The following SHISA6 variants were observed in gnomAD, a reference collection of about 807,000 sequenced individuals.
SHISA6 encodes shisa family member 6, also known as protein shisa-6.
A neutral mutation model predicts 47.9 loss-of-function variants in SHISA6; 22 were observed. The ratio of observed to expected loss-of-function variants is 0.46; its 90% CI spans 0.33 to 0.66. The LOEUF (loss-of-function observed/expected upper bound fraction) is 0.66. Among genes scored for constraint, SHISA6 ranks in the 30% least tolerant of loss-of-function variants. The pLI, the probability that SHISA6 is intolerant of heterozygous loss-of-function variation, is 0.02. For missense variants in SHISA6, 680 were observed against 764.6 expected (o/e 0.89, Z 1.30); for synonymous variants, 388 against 337.8 (o/e 1.15, Z -1.63).
chr17:11,507,500 T>A (rs1289330069), intron 3 of SHISA6, among the ~76,000 whole-genome samples: 1 of 152,204 alleles, frequency 6.6e-6, no homozygotes, highest in Non-Finnish European at 1.5e-5. Flanking sequence ...AAGAGATGTC[T>A]TATGTTTCCC....
chr17:11,269,740 A>G (rs886194659), intron 2 of SHISA6, among the ~76,000 whole-genome samples: 4 of 152,104 alleles, frequency 2.6e-5, no homozygotes, highest in Non-Finnish European at 5.9e-5. Context: ...TTGGAGCCCT[A>G]TGGAGATGGT....
chr17:11,278,736 C>T (rs1324610600), intron 2 of SHISA6, among the ~76,000 whole-genome samples: 3 of 152,216 alleles, frequency 2.0e-5, no homozygotes, highest in African/African-American at 7.2e-5. Context: ...TGTATTCAAG[C>T]TTCGTATTTC....
intron 2 of SHISA6, among the ~76,000 whole-genome samples, chr17:11,375,204 A>C (rs2142241080): frequency 6.6e-6 from 1 of 152,304 alleles, no homozygotes; most frequent in Non-Finnish European, 1.5e-5. Flanking sequence ...TTCAGAAAAA[A>C]AGAAAAACTA....
chr17:11,539,661 C>T (rs185403276), intron 3 of SHISA6, among the ~76,000 whole-genome samples: 6 of 152,358 alleles, frequency 3.9e-5, no homozygotes, highest in Admixed American at 2.6e-4. Context: ...TCCACATGCT[C>T]TCAGTGGGCA....
intron 1 of SHISA6, among the ~76,000 whole-genome samples, chr17:11,248,910 C>T (rs1323529468): frequency 2.6e-5 from 4 of 151,974 alleles, no homozygotes; most frequent in Admixed American, 6.6e-5. Flanking sequence ...GAGGCCGAGG[C>T]GGGCAGATCA....
At chr17:11,341,851 AG>A (rs1911542096) in intron 2 of SHISA6, among the ~76,000 whole-genome samples, 1 of 152,210 alleles carries the variant, frequency 6.6e-6, no homozygotes, top group South Asian at 2.1e-4. Flanking sequence ...ACAGATTATC[AG>A]GAGGAAGACT....
chr17:11,514,744 T>TA (rs2071568751), intron 3 of SHISA6, among the ~76,000 whole-genome samples: 1 of 152,220 alleles, frequency 6.6e-6, no homozygotes, highest in Non-Finnish European at 1.5e-5. Context: ...ACAGAGGTGC[T>TA]CTAGGCTCCC....
At chr17:11,513,520 A>G (rs576732936) in intron 3 of SHISA6, among the ~76,000 whole-genome samples, 39 of 152,326 alleles carry the variant, frequency 2.6e-4, no homozygotes, top group African/African-American at 8.4e-4. Flanking sequence ...TTTTCAACCT[A>G]TGTCACATCT....
At chr17:11,522,123 G>A (rs557611104) in intron 3 of SHISA6, among the ~76,000 whole-genome samples, 7 of 151,626 alleles carry the variant, frequency 4.6e-5, no homozygotes, top group East Asian at 3.9e-4. Context: ...CCACCACCAC[G>A]CCCGGCTAAT....
intron 2 of SHISA6, among the ~76,000 whole-genome samples, chr17:11,324,273 T>C (rs1448780664): frequency 6.6e-6 from 1 of 152,208 alleles, no homozygotes; most frequent in African/African-American, 2.4e-5. Context: ...CCTTTTCCTG[T>C]CGATGACACT....
At position 11,496,780 on chromosome 17, in the gene SHISA6, G is replaced by C. The variant is rs1016314234; in HGVS notation, c.896-55116G>C. 3.9e-5 allele frequency among the ~76,000 whole-genome samples: 6 copies of C among 152,156 alleles called. No homozygotes were observed. The East Asian group carries it at 1.2e-3, about 29-fold the overall frequency. On this transcript the variant is annotated intron_variant, in intron 3 of 5. Transcript: ENST00000441885. ...AAAAAAAAGAATGGGATAGAAGTGGGATAGGTAGGAAACAATGAGAAGTGG... is the reference window on the plus strand; with the variant it reads ...AAAAAAAAGAATGGGATAGAAGTGGCATAGGTAGGAAACAATGAGAAGTGG...
At chr17:11,549,199 C>T (rs974233757) in intron 3 of SHISA6, among the ~76,000 whole-genome samples, 1 of 152,114 alleles carries the variant, frequency 6.6e-6, no homozygotes, top group Non-Finnish European at 1.5e-5. Flanking sequence ...TATGTAAGCA[C>T]TCATATAATC....
intron 3 of SHISA6, among the ~76,000 whole-genome samples, chr17:11,400,928 C>T (rs568515571): frequency 5.3e-5 from 8 of 152,326 alleles, no homozygotes; most frequent in East Asian, 3.9e-4. Flanking sequence ...TCACCCTCCA[C>T]GAGTTTTCTC....
chr17:11,516,194 A>G (rs1373449536), intron 3 of SHISA6, among the ~76,000 whole-genome samples: 1 of 152,220 alleles, frequency 6.6e-6, no homozygotes, highest in Non-Finnish European at 1.5e-5. Flanking sequence ...CCATTGCCTC[A>G]GAAGAGAAAC....
In SHISA6 at chr17:11,535,015, C is replaced by T. The variant is rs1221088879; in HGVS notation, c.896-16881C>T. Among the ~76,000 whole-genome samples, 3 of 152,196 alleles carry T rather than the reference C, an allele frequency of 2.0e-5. No homozygotes were observed. In the East Asian group the frequency reaches 5.8e-4, roughly 29 times the overall value. ...TGGTGGCAGGCACCTGTAACCCCAG[C>T]TACTCGGGAGGCTGAAGCAGGAGGA... is the stretch of plus-strand genomic sequence containing the variant. On this transcript the variant is annotated intron_variant, in intron 3 of 5. Coordinates refer to ENST00000441885, the MANE Select transcript of SHISA6 (RefSeq NM_207386.4).
rs1248856490 is a variant in SHISA6, at chr17:11,563,619, G to T, written c.*5315G>T. The T allele has an allele frequency of 1.3e-5, 2 of 152,142 alleles. No individual in the cohort carries two copies. Among genetic ancestry groups the T allele is most frequent in the East Asian group, 3.9e-4 (2 of 5,192 alleles). 9.4% of individuals were successfully genotyped at this position (152,142 alleles called of 1,614,324 possible). ...ACACCATGGGAGGACTCATTCATTG[G>T]CTTTGTAGTGGCAAATATTCCTCTA... On this transcript the variant is annotated 3_prime_UTR_variant, in exon 6 of 6. Coordinates refer to ENST00000441885, the MANE Select transcript of SHISA6 (RefSeq NM_207386.4).
intron 2 of SHISA6, among the ~76,000 whole-genome samples, chr17:11,315,270 T>TA (rs1211619826): frequency 3.3e-5 from 5 of 152,158 alleles, no homozygotes; most frequent in Admixed American, 2.0e-4. Flanking sequence ...TGGGGAAAGT[T>TA]ATTGATTTTT....
intron 2 of SHISA6, among the ~76,000 whole-genome samples, chr17:11,273,050 A>G (rs1399702242): frequency 6.6e-6 from 1 of 152,196 alleles, no homozygotes; most frequent in Non-Finnish European, 1.5e-5. Context: ...CATATTAGCA[A>G]CTAACAGTAC....
At chr17:11,415,823 C>G (rs1264554669) in intron 3 of SHISA6, among the ~76,000 whole-genome samples, 1 of 152,094 alleles carries the variant, frequency 6.6e-6, no homozygotes, top group Non-Finnish European at 1.5e-5. Flanking sequence ...GAGATGACCT[C>G]TGTTATGTTT....
Sources: allele counts gnomAD v4.1 joint callset (sites outside exome capture counted in the v4.1 genomes callset), GRCh38; gene constraint gnomAD v4.1.1; transcripts MANE v1.5; gene names NCBI Gene and HGNC (gene_info 2026-07-23, HGNC 2026-07-21).